ARFGEF3: variants seen among roughly 807,000 people sequenced by gnomAD.
The protein encoded by ARFGEF3 is ARFGEF family member 3.
A neutral mutation model predicts 221.7 loss-of-function variants in ARFGEF3; 96 were observed. That is an observed-to-expected ratio of 0.43 (90% CI 0.37 to 0.51). The LOEUF (loss-of-function observed/expected upper bound fraction) is 0.51. Among genes scored for constraint, ARFGEF3 ranks in the 20% least tolerant of loss-of-function variants. ARFGEF3 has a pLI of 0.00. For synonymous variants in ARFGEF3, 1,145 were observed against 1,126.8 expected, an observed-to-expected ratio of 1.02 and a Z score of -0.32; for missense variants, 2,410 against 2,789.9, an observed-to-expected ratio of 0.86 and a Z score of 3.07.
chr6:138,200,889 A>G (rs1309000306), intron 2 of ARFGEF3, among the ~76,000 whole-genome samples: 1 of 152,258 alleles, frequency 6.6e-6, no homozygotes, highest in Non-Finnish European at 1.5e-5. Flanking sequence ...TAAACAGACA[A>G]CCCACAGAGT....
chr6:138,324,160 G>C lies in ARFGEF3; in HGVS notation c.5001+6G>C, dbSNP rs1238168563. ...TCCGAGCCATGGCCCAGCAGGTAAG[G>C]GCAGGGGCTTTTGATCTCAGGAGCT... On this transcript the variant is annotated splice_donor_region_variant and intron_variant, in intron 31 of 33. Coordinates refer to ENST00000251691, the MANE Select transcript of ARFGEF3 (RefSeq NM_020340.5). 2 of 1,609,924 alleles carry C rather than the reference G, an allele frequency of 1.2e-6. No homozygotes were observed. The highest frequency in any genetic ancestry group is 1.7e-6 in the Non-Finnish European group (2 of 1,177,408).
intron 2 of ARFGEF3, among the ~76,000 whole-genome samples, chr6:138,178,247 C>T (rs1400108600): frequency 1.3e-5 from 2 of 152,174 alleles, no homozygotes; most frequent in African/African-American, 4.8e-5. Context: ...GCATACTTGT[C>T]ATGGCTCCTC....
intron 24 of ARFGEF3, among the ~76,000 whole-genome samples, chr6:138,310,175 A>G (rs1487115394): frequency 1.3e-5 from 2 of 152,202 alleles, no homozygotes; most frequent in East Asian, 3.8e-4. Flanking sequence ...TGCCATTCAC[A>G]TAGACTTGGA....
At chr6:138,283,064 A>G (rs772261988) in intron 14 of ARFGEF3, among the ~76,000 whole-genome samples, 3 of 152,078 alleles carry the variant, frequency 2.0e-5, no homozygotes, top group Non-Finnish European at 4.4e-5. Flanking sequence ...AAAAAAAAAA[A>G]AGAAAAGAAA....
rs572129544 is a variant in ARFGEF3 at position 138,314,318 on chromosome 6, G to A, written c.4345+379G>A. On this transcript the variant is annotated intron_variant, in intron 26 of 33. Transcript: ENST00000251691. ...ATATTAATCCATTCATGAGTACAGAGCCCTCATGACCTAATCACCTCTTAA... is the reference window on the plus strand; with the variant it reads ...ATATTAATCCATTCATGAGTACAGAACCCTCATGACCTAATCACCTCTTAA... Among the ~76,000 whole-genome samples, 170 of 152,250 alleles carry A rather than the reference G, an allele frequency of 1.1e-3. 1 individual carries two copies. Among genetic ancestry groups the A allele is most frequent in the African/African-American group, 3.9e-3 (164 of 41,566 alleles).
At chr6:138,282,439 A>G (rs1249800273) in intron 14 of ARFGEF3, among the ~76,000 whole-genome samples, 1 of 152,220 alleles carries the variant, frequency 6.6e-6, no homozygotes, top group African/African-American at 2.4e-5. Flanking sequence ...TGTTGTCCAA[A>G]GGGCATGTTA....
At chr6:138,282,367 G>T (rs1343956326) in intron 14 of ARFGEF3, among the ~76,000 whole-genome samples, 5 of 152,196 alleles carry the variant, frequency 3.3e-5, no homozygotes, top group African/African-American at 9.7e-5. Flanking sequence ...GCTCGGCATT[G>T]CTCTGTGCCC....
intron 4 of ARFGEF3, among the ~76,000 whole-genome samples, chr6:138,226,061 G>C (rs1312073079): frequency 6.6e-6 from 1 of 152,144 alleles, no homozygotes; most frequent in African/African-American, 2.4e-5. Context: ...CTCATTTGTG[G>C]CCCTGACATC....
chr6:138,187,995 A>C (rs1441221468), intron 2 of ARFGEF3, among the ~76,000 whole-genome samples: 1 of 152,238 alleles, frequency 6.6e-6, no homozygotes, highest in Non-Finnish European at 1.5e-5. Flanking sequence ...CTTGAGCTAA[A>C]GGCGACTACA....
At chr6:138,335,981 T>G (rs1280763166) in intron 33 of ARFGEF3, among the ~76,000 whole-genome samples, 1 of 151,880 alleles carries the variant, frequency 6.6e-6, no homozygotes, top group African/African-American at 2.4e-5. Flanking sequence ...CCTGTGGAGA[T>G]CTCACTGTGA....
intron 5 of ARFGEF3, among the ~76,000 whole-genome samples, chr6:138,237,966 T>C (rs530381683): frequency 6.6e-6 from 1 of 152,304 alleles, no homozygotes; most frequent in East Asian, 1.9e-4. Flanking sequence ...TCAGATGTAG[T>C]GTAGGAATTT....
intron 2 of ARFGEF3, among the ~76,000 whole-genome samples, chr6:138,174,224 A>G (rs980479666): frequency 6.6e-6 from 1 of 152,170 alleles, no homozygotes; most frequent in Non-Finnish European, 1.5e-5. Flanking sequence ...CTTCTAAGAT[A>G]CAAGAAGAAG....
rs111305160 is a variant in ARFGEF3 at position 138,334,654 on chromosome 6, G to A, written c.5808G>A (p.Pro1936=). The A allele has an allele frequency of 5.6e-6, 9 of 1,613,486 alleles. No homozygotes were observed. Among genetic ancestry groups the A allele is most frequent in the Admixed American group, 3.3e-5 (2 of 60,010 alleles). ...MEEPPIFKGD[P]FFILPSFQSE... is the part of the protein sequence containing the mutation. The stretch of plus-strand genomic sequence containing the variant: ...AGCCTCCCATCTTCAAGGGCGACCC[G>A]TTCTTCATCCTGCCCTCCTTCCAGT... The change falls in exon 33 of 34, where the codon CCG becomes CCA. Residue 1936 remains proline (P), a synonymous_variant. Coordinates refer to ENST00000251691, the MANE Select transcript of ARFGEF3 (RefSeq NM_020340.5). The surrounding 1 kb of genome is among the most constrained non-coding windows in gnomAD (Gnocchi z 5.1).
intron 1 of ARFGEF3, among the ~76,000 whole-genome samples, chr6:138,168,866 C>G (rs1211519035): frequency 6.6e-6 from 1 of 152,168 alleles, no homozygotes; most frequent in African/African-American, 2.4e-5. Flanking sequence ...GTTTATCATG[C>G]TTTGAAATGA....
intron 8 of ARFGEF3, among the ~76,000 whole-genome samples, chr6:138,248,835 A>C (rs1778531954): frequency 6.6e-6 from 1 of 152,284 alleles, no homozygotes; most frequent in African/African-American, 2.4e-5. Flanking sequence ...TAAATAAATA[A>C]ATAAAATAAA....
Position 138,215,760 on chromosome 6 carries a change from T to A in ARFGEF3, c.351+5719T>A, listed in dbSNP as rs557083804. On this transcript the variant is annotated intron_variant, in intron 4 of 33. Coordinates refer to ENST00000251691, the MANE Select transcript of ARFGEF3 (RefSeq NM_020340.5). The stretch of plus-strand genomic sequence containing the variant: ...CTGTGTCTTCCCGTGATAATGATAT[T>A]CCCTCACTAGTCCTGTGAGCTAAAT... Among the ~76,000 whole-genome samples, 36 of 151,878 alleles carry A rather than the reference T, an allele frequency of 2.4e-4. No homozygotes were observed. In the South Asian group the frequency reaches 6.7e-3, roughly 28 times the overall value.
chr6:138,336,768 G>C lies in ARFGEF3; in HGVS notation c.*282G>C, dbSNP rs1295997093. On this transcript the variant is annotated 3_prime_UTR_variant, in exon 34 of 34. Coordinates refer to ENST00000251691, the MANE Select transcript of ARFGEF3 (RefSeq NM_020340.5). ...TCTAACTCTTGAAGTATATTTCCCAGTGCTTTTGCTTACAGTGTTGTCCCC... is the reference window on the plus strand; with the variant it reads ...TCTAACTCTTGAAGTATATTTCCCACTGCTTTTGCTTACAGTGTTGTCCCC... 1 of 228,818 alleles carries C rather than the reference G, an allele frequency of 4.4e-6. No individual in the cohort carries two copies. Among genetic ancestry groups the C allele is most frequent in the East Asian group, 9.4e-5 (1 of 10,612 alleles). The allele number at this position is 228,818 out of a possible 1,614,324, so 14.2% of individuals were successfully genotyped here.
chr6:138,267,974 G>A (rs1216213288), intron 12 of ARFGEF3, among the ~76,000 whole-genome samples: 1 of 152,072 alleles, frequency 6.6e-6, no homozygotes, highest in African/African-American at 2.4e-5. Context: ...TTCAGGAGTT[G>A]GACTCTCTTT....
At position 138,184,805 on chromosome 6, in the gene ARFGEF3, A is replaced by T. The variant is rs183218669; in HGVS notation, c.137+14092A>T. On this transcript the variant is annotated intron_variant, in intron 2 of 33. Transcript: ENST00000251691. ...TGGCCTCTCTCATGGCAGTCCATGG[A>T]TGAGGGTGGCTGTTGATGGAGCTAT... Among the ~76,000 whole-genome samples, 37 of 152,306 alleles carry T rather than the reference A, an allele frequency of 2.4e-4. No individual in the cohort carries two copies. In the East Asian group the frequency reaches 6.6e-3, roughly 27 times the overall value.
Sources: gnomAD v4.1 joint callset for allele counts (sites outside exome capture counted in the v4.1 genomes callset) on GRCh38, gnomAD v4.1.1 for gene constraint, Gnocchi (gnomAD v3.1) non-coding constraint, MANE v1.5 for transcripts, NCBI Gene and HGNC (gene_info 2026-07-23, HGNC 2026-07-21) for gene names.